The following TPD52L2 variants were observed in gnomAD, a reference collection of about 807,000 sequenced individuals.
TPD52L2 encodes the protein TPD52 like 2.
TPD52L2 carries 19 observed loss-of-function variants against 24.7 expected under a neutral mutation model. The ratio of observed to expected loss-of-function variants is 0.77; its 90% CI spans 0.54 to 1.13. The LOEUF (loss-of-function observed/expected upper bound fraction) is 1.13. Among genes scored for constraint, TPD52L2 ranks in the 50% most tolerant of loss-of-function variants. The pLI is 0.00. For synonymous variants in TPD52L2, 104 were observed against 100.2 expected (o/e 1.04, Z -0.23); for missense variants, 236 against 250.4 (o/e 0.94, Z 0.39).
chr20:63,881,503 T>A (rs547055383), intron 4 of TPD52L2, among the ~76,000 whole-genome samples: 2 of 152,304 alleles, frequency 1.3e-5, no homozygotes, highest in East Asian at 3.9e-4. Flanking sequence ...TGGAGAGTAG[T>A]AGCACTCAGC....
In TPD52L2 at chr20:63,882,706, G is replaced by T; in HGVS notation, c.375-13G>T. 2 of 1,605,546 alleles carry T rather than the reference G, an allele frequency of 1.2e-6. No homozygotes were observed. The highest frequency in any genetic ancestry group is 2.2e-5 in the South Asian group (2 of 90,912). On this transcript the variant is annotated splice_polypyrimidine_tract_variant and intron_variant, in intron 4 of 6. Transcript: ENST00000346249. ...CCATGCTGTCTGGTTGATTTAACTGGTGTGTCTTCCAGCTACAAGAAGACT... is the reference window on the plus strand; with the variant it reads ...CCATGCTGTCTGGTTGATTTAACTGTTGTGTCTTCCAGCTACAAGAAGACT...
intron 5 of TPD52L2, among the ~76,000 whole-genome samples, chr20:63,883,358 G>A (rs890121397): frequency 6.6e-6 from 1 of 152,160 alleles, no homozygotes; most frequent in Admixed American, 6.5e-5. Flanking sequence ...GAGTGAGCAG[G>A]GGGCCGGCGC....
rs1216754375 is a variant in TPD52L2 at position 63,873,859 on chromosome 20, CG to C, written c.314+46del. The C allele has an allele frequency of 2.1e-6, 3 of 1,439,124 alleles. No homozygotes were observed. In the African/African-American group the frequency reaches 4.4e-5, roughly 21 times the overall value. The allele number at this position is 1,439,124 out of a possible 1,614,324, so 89.1% of individuals were successfully genotyped here. On this transcript the variant is annotated intron_variant, in intron 3 of 6. Coordinates refer to ENST00000346249, the MANE Select transcript of TPD52L2 (RefSeq NM_003288.4). ...GCGCACCCCTGGGGGCTGAAGAGAACGGGCACCACACGTGCCCCGGCATGTG... is the reference window on the plus strand; with the variant it reads ...GCGCACCCCTGGGGGCTGAAGAGAACGGCACCACACGTGCCCCGGCATGTG...
intron 3 of TPD52L2, among the ~76,000 whole-genome samples, chr20:63,874,680 A>G (rs2052599973): frequency 6.6e-6 from 1 of 152,122 alleles, no homozygotes; most frequent in Admixed American, 6.6e-5. Context: ...CGGCTTATAT[A>G]CGTGTTCTAA....
chr20:63,886,237 C>T (rs370449706), intron 5 of TPD52L2, among the ~76,000 whole-genome samples: 84 of 152,184 alleles, frequency 5.5e-4, no homozygotes, highest in African/African-American at 1.5e-3. Flanking sequence ...GACGCAGAGG[C>T]CCCCCGGAAC....
At chr20:63,884,222 C>G (rs2146233530) in intron 5 of TPD52L2, among the ~76,000 whole-genome samples, 1 of 152,242 alleles carries the variant, frequency 6.6e-6, no homozygotes, top group Admixed American at 6.5e-5. Context: ...GGGCACCCTA[C>G]AAATGCAGGT....
chr20:63,876,901 G>A (rs2052705616), intron 4 of TPD52L2: 2 of 455,400 alleles, frequency 4.4e-6, no homozygotes, highest in African/African-American at 2.0e-5. Context: ...GCGGTTCACG[G>A]CATGTTGCCC....
In TPD52L2 at chr20:63,882,723, A is replaced by C. The variant is rs749930636; in HGVS notation, c.379A>C (p.Lys127Gln). ...NEKVTQSDLY[K>Q]KTQETLSQAG... ...TTTAACTGGTGTGTCTTCCAGCTAC[A>C]AGAAGACTCAGGAAACTCTTTCACA... is the stretch of plus-strand genomic sequence containing the variant. The change falls in exon 5 of 7, where the codon AAG (lysine) becomes CAG (glutamine). Residue 127 changes from lysine to glutamine, a missense_variant. Physicochemically the swap from Lys to Gln is moderately conservative, Grantham distance 53 (BLOSUM62 1). Coordinates refer to ENST00000346249, the MANE Select transcript of TPD52L2 (RefSeq NM_003288.4). The C allele has an allele frequency of 4.3e-6, 7 of 1,613,398 alleles. No individual in the cohort carries two copies. Among genetic ancestry groups the C allele is most frequent in the Non-Finnish European group, 5.9e-6 (7 of 1,179,308 alleles).
At chr20:63,873,487 CAAA>C (rs111933772) in intron 2 of TPD52L2, among the ~76,000 whole-genome samples, 178 bp from the exon 3 acceptor site, 2 of 119,724 alleles carry the variant, frequency 1.7e-5, no homozygotes, top group Admixed American at 1.7e-4. Context: ...AACTCCATCT[CAAA>C]AAAAAAAAAA....
Position 63,890,003 on chromosome 20 carries a change from C to CGCA in TPD52L2, c.*61_*63dup, listed in dbSNP as rs1214833869. ...CGCAACCCAGCCTCAGCATCACAGC[C>CGCA]GCAGCTCTGTTCAGCGGAGCAGCCA... On this transcript the variant is annotated 3_prime_UTR_variant, in exon 7 of 7. Coordinates refer to ENST00000346249, the MANE Select transcript of TPD52L2 (RefSeq NM_003288.4). 6.2e-7 allele frequency: 1 copy of CGCA among 1,607,926 alleles called. No homozygotes were observed. Among genetic ancestry groups the CGCA allele is most frequent in the Admixed American group, 1.7e-5 (1 of 59,176 alleles).
chr20:63,888,962 C>G lies in TPD52L2; in HGVS notation c.477-228C>G. ...GCACAGTCAAGGGGTTTCCAGTTGC[C>G]TTGTGTGACGTCTGGACCTGTCCCT... On this transcript the variant is annotated intron_variant, in intron 5 of 6. Transcript: ENST00000346249. The G allele has an allele frequency of 1.2e-5, 7 of 591,640 alleles. 1 individual carries two copies. The South Asian group carries it at 1.4e-4, about 12-fold the overall frequency. The allele number at this position is 591,640 out of a possible 1,614,324, so 36.6% of individuals were successfully genotyped here.
chr20:63,882,917 C>A, intron 5 of TPD52L2, 97 bp downstream of exon 5: 1 of 882,608 alleles, frequency 1.1e-6, no homozygotes, highest in Non-Finnish European at 1.7e-6. Context: ...GATCAGGGCT[C>A]AGATGCACTG....
chr20:63,886,467 T>C (rs1283891941), intron 5 of TPD52L2, among the ~76,000 whole-genome samples: 6 of 151,816 alleles, frequency 4.0e-5, no homozygotes, highest in East Asian at 1.9e-4. Context: ...TTCACGCCAT[T>C]CTCCTGCCTC....
At chr20:63,885,854 T>C (rs2053072963) in intron 5 of TPD52L2, among the ~76,000 whole-genome samples, 1 of 152,112 alleles carries the variant, frequency 6.6e-6, no homozygotes, top group African/African-American at 2.4e-5. Context: ...TCCCCGGTGG[T>C]GTGCGGACTG....
At chr20:63,884,838 C>T (rs148428420) in intron 5 of TPD52L2, among the ~76,000 whole-genome samples, 10 of 152,260 alleles carry the variant, frequency 6.6e-5, no homozygotes, top group African/African-American at 2.4e-4. Flanking sequence ...CGAGCCAGCT[C>T]GCTCCAGTTG....
chr20:63,869,491 C>T, intron 2 of TPD52L2, 50 bp downstream of exon 2: 1 of 1,605,232 alleles, frequency 6.2e-7, no homozygotes, highest in Admixed American at 1.7e-5. Flanking sequence ...TTAAGGCCCT[C>T]TTGGATTAGT....
intron 2 of TPD52L2, 123 bp downstream of exon 2, chr20:63,869,564 T>A (rs910117389): frequency 9.7e-6 from 12 of 1,237,488 alleles, no homozygotes; most frequent in Non-Finnish European, 1.4e-5. Flanking sequence ...TACCCTGCTC[T>A]GTGTTCCGAC....
In TPD52L2 at chr20:63,887,763, C is replaced by T. The variant is rs1046519061; in HGVS notation, c.477-1427C>T. ...TGATGACTAAGGGCCGGTAAAAACC[C>T]CCTCTAGGCTGACGAGGAAGAGCTG... On this transcript the variant is annotated intron_variant, in intron 5 of 6. Transcript: ENST00000346249. 5.3e-5 allele frequency: 38 copies of T among 721,960 alleles called. 1 individual carries two copies. The highest frequency in any genetic ancestry group is 7.3e-4 in the Middle Eastern group (2 of 2,754). 44.7% of individuals were successfully genotyped at this position (721,960 alleles called of 1,614,324 possible).
chr20:63,868,636 C>G (rs968843920), intron 1 of TPD52L2, among the ~76,000 whole-genome samples: 1 of 152,154 alleles, frequency 6.6e-6, no homozygotes, highest in African/African-American at 2.4e-5. Flanking sequence ...ATATTAGGTT[C>G]CTTTTTTTAA....
Sources: allele counts gnomAD v4.1 joint callset (sites outside exome capture counted in the v4.1 genomes callset), GRCh38; gene constraint gnomAD v4.1.1; transcripts MANE v1.5; gene names NCBI Gene and HGNC (gene_info 2026-07-23, HGNC 2026-07-21).